NIPBL: variants seen among roughly 807,000 people sequenced by gnomAD.
The protein encoded by NIPBL is nipped-B-like protein.
In NIPBL, 19 loss-of-function variants were observed where a neutral mutation model predicts 321.8. The ratio of observed to expected loss-of-function variants is 0.06; its 90% CI spans 0.04 to 0.09. NIPBL has a LOEUF of 0.09. Among genes scored for constraint, NIPBL ranks in the 10% least tolerant of loss-of-function variants. The pLI is 1.00. For synonymous variants in NIPBL, 1,106 were observed against 1,114.1 expected (o/e 0.99, Z 0.14); for missense variants, 2,210 against 3,327.0 (o/e 0.66, Z 8.26).
chr5:37,051,629 C>T, intron 40 of NIPBL, 150 bp from the exon 41 acceptor site: 1 of 632,510 alleles, frequency 1.6e-6, no homozygotes, highest in Non-Finnish European at 2.8e-6. Context: ...AAAGATCTGT[C>T]ATTTTAAAAA....
intron 21 of NIPBL, among the ~76,000 whole-genome samples, chr5:37,012,231 C>A (rs1397001475): frequency 1.3e-5 from 2 of 151,398 alleles, no homozygotes; most frequent in African/African-American, 4.8e-5. Context: ...CTCACCACAG[C>A]CTCAACCGCC....
chr5:36,955,758 C>T (rs1740869098), intron 3 of NIPBL, 121 bp downstream of exon 3: 2 of 745,232 alleles, frequency 2.7e-6, no homozygotes, highest in Non-Finnish European at 4.6e-6. Flanking sequence ...TAAAAATATC[C>T]ATATCCGAGG....
intron 1 of NIPBL, among the ~76,000 whole-genome samples, chr5:36,923,067 T>C (rs536119157): frequency 2.7e-4 from 41 of 152,244 alleles, no homozygotes; most frequent in Admixed American, 1.1e-3. Context: ...GGCGGGCGGA[T>C]CACGAGGTCA....
chr5:37,003,642 C>A (rs990336332), intron 16 of NIPBL, among the ~76,000 whole-genome samples: 16 of 152,120 alleles, frequency 1.1e-4, no homozygotes, highest in African/African-American at 3.9e-4. Flanking sequence ...GTCTTGGAAT[C>A]TATCATCTGT....
intron 4 of NIPBL, among the ~76,000 whole-genome samples, chr5:36,958,940 C>T (rs1741288572): frequency 6.6e-6 from 1 of 152,164 alleles, no homozygotes; most frequent in Admixed American, 6.5e-5. Flanking sequence ...GGCATGGTGA[C>T]TCACGCCTGT....
intron 1 of NIPBL, among the ~76,000 whole-genome samples, chr5:36,923,865 A>G (rs537513306): frequency 6.6e-6 from 1 of 152,206 alleles, no homozygotes. Flanking sequence ...AGTCCTGGCA[A>G]TATCTAGTCT....
chr5:36,893,129 A>G (rs185082216), intron 1 of NIPBL, among the ~76,000 whole-genome samples: 49 of 152,196 alleles, frequency 3.2e-4, no homozygotes, highest in Non-Finnish European at 3.5e-4. Flanking sequence ...TTTCTGGTGT[A>G]TTTGTTTATC....
chr5:36,976,164 T>C lies in NIPBL; in HGVS notation c.1257T>C (p.Cys419=), dbSNP rs1743423202. The part of the protein sequence containing the change: ...DINRPLNAAQ[C]LSQQEQTAFL... ...ACCGCCCACTAAATGCTGCTCAATG[T>C]TTGTCGCAGCAAGAACAAACAGCAT... Residue 419 remains cysteine, a synonymous_variant, in exon 9 of 47, where the codon TGT becomes TGC. Transcript: ENST00000282516. 2.5e-6 allele frequency: 4 copies of C among 1,612,928 alleles called. No individual in the cohort carries two copies. The highest frequency in any genetic ancestry group is 3.4e-6 in the Non-Finnish European group (4 of 1,179,334).
intron 1 of NIPBL, chr5:36,885,973 C>G: frequency 1.4e-6 from 1 of 728,610 alleles, no homozygotes; most frequent in East Asian, 2.5e-5. Flanking sequence ...CCCAATACGA[C>G]GAGCTAGCTC....
chr5:36,978,127 T>TA (rs991760142), intron 9 of NIPBL, among the ~76,000 whole-genome samples: 1 of 152,076 alleles, frequency 6.6e-6, no homozygotes, highest in African/African-American at 2.4e-5. Flanking sequence ...AACCCAGTAG[T>TA]GGGATTACTA....
chr5:36,937,650 T>C (rs957451809), intron 1 of NIPBL, among the ~76,000 whole-genome samples: 21 of 152,246 alleles, frequency 1.4e-4, no homozygotes, highest in Admixed American at 1.4e-3. Flanking sequence ...TCATCCAACG[T>C]CTTTCTGAGG....
At chr5:36,898,866 T>C (rs980763948) in intron 1 of NIPBL, among the ~76,000 whole-genome samples, 4 of 152,216 alleles carry the variant, frequency 2.6e-5, no homozygotes, top group Non-Finnish European at 5.9e-5. Context: ...GTCTTTAACT[T>C]TTAATTGGCA....
chr5:36,901,493 C>T (rs911271724), intron 1 of NIPBL, among the ~76,000 whole-genome samples: 10 of 129,246 alleles, frequency 7.7e-5, no homozygotes, highest in Admixed American at 2.4e-4. Context: ...CATGGTCCTT[C>T]TAAGTCCTTT....
intron 10 of NIPBL, 77 bp downstream of exon 10, chr5:36,986,378 A>C: frequency 9.9e-7 from 1 of 1,013,352 alleles, no homozygotes; most frequent in Non-Finnish European, 1.3e-6. Flanking sequence ...TAAAAAGGAA[A>C]TTTACAAAAA....
At position 36,975,951 on chromosome 5, in the gene NIPBL, T is replaced by C; in HGVS notation, c.1044T>C (p.Ile348=). The C allele has an allele frequency of 6.2e-7, 1 of 1,613,990 alleles. No homozygotes were observed. The highest frequency in any genetic ancestry group is 8.5e-7 in the Non-Finnish European group (1 of 1,179,918). The stretch of plus-strand genomic sequence containing the variant: ...AGAAAGCGGCAATGTATGATATAAT[T>C]AGTTCTCCATCCAAGGACTCTACTA... The part of the protein sequence containing the change: ...QSEKAAMYDI[I]SSPSKDSTKL... Residue 348 remains isoleucine, a synonymous_variant, in exon 9 of 47, where the codon ATT becomes ATC. Transcript: ENST00000282516.
At chr5:36,877,738 AG>A (rs1382282981) in intron 1 of NIPBL, among the ~76,000 whole-genome samples, 12 of 152,238 alleles carry the variant, frequency 7.9e-5, no homozygotes, top group Admixed American at 5.2e-4. Context: ...ACGCGGATCC[AG>A]TGGTAATTCT....
intron 1 of NIPBL, among the ~76,000 whole-genome samples, chr5:36,932,792 T>G (rs1451825121): frequency 2.7e-5 from 4 of 149,188 alleles, no homozygotes; most frequent in South Asian, 2.1e-4. Flanking sequence ...TTTTTTTTTT[T>G]TTTTTTTTTT....
At chr5:36,908,910 C>T (rs1478166631) in intron 1 of NIPBL, among the ~76,000 whole-genome samples, 2 of 152,220 alleles carry the variant, frequency 1.3e-5, no homozygotes, top group Non-Finnish European at 2.9e-5. Flanking sequence ...ATGAACATAA[C>T]ATTTAATATT....
chr5:36,879,585 A>G (rs1745354610), intron 1 of NIPBL, among the ~76,000 whole-genome samples: 1 of 152,192 alleles, frequency 6.6e-6, no homozygotes, highest in South Asian at 2.1e-4. Context: ...TAAAGAGTGT[A>G]GAGTGTTCTG....
Sources: gnomAD v4.1 joint callset for allele counts (sites outside exome capture counted in the v4.1 genomes callset) on GRCh38, gnomAD v4.1.1 for gene constraint, MANE v1.5 for transcripts, NCBI Gene and HGNC (gene_info 2026-07-23, HGNC 2026-07-21) for gene names.